The following HDAC11 variants were observed in gnomAD, a reference collection of about 807,000 sequenced individuals.
HDAC11 encodes histone deacetylase 11.
Under a neutral mutation model 41.1 loss-of-function variants are expected in HDAC11, and 23 were observed. The ratio of observed to expected loss-of-function variants is 0.56; its 90% confidence interval spans 0.40 to 0.79. The LOEUF (loss-of-function observed/expected upper bound fraction) is 0.79. HDAC11 is among the 30% of genes least tolerant of loss of function. HDAC11 has a pLI of 0.00. For synonymous variants in HDAC11, 187 were observed against 186.6 expected (o/e 1.00, Z -0.02); for missense variants, 402 against 477.3 (o/e 0.84, Z 1.47).
At chr3:13,488,050 A>G (rs1224777132) in intron 3 of HDAC11, among the ~76,000 whole-genome samples, 7 of 151,308 alleles carry the variant, frequency 4.6e-5, no homozygotes, top group Non-Finnish European at 1.0e-4. Context: ...CATTCCAAGC[A>G]GAAGAAACAG....
At chr3:13,488,206 C>T (rs554092823) in intron 3 of HDAC11, among the ~76,000 whole-genome samples, 1 of 152,034 alleles carries the variant, frequency 6.6e-6, no homozygotes, top group Admixed American at 6.5e-5. Context: ...GTCTCCAACT[C>T]TCTCTTCTCT....
At chr3:13,484,534 T>A (rs1273451326) in intron 3 of HDAC11, among the ~76,000 whole-genome samples, 1 of 123,972 alleles carries the variant, frequency 8.1e-6, no homozygotes, top group Non-Finnish European at 1.7e-5. Context: ...CATTTCCTGA[T>A]TTTTTTTTTG....
Position 13,502,822 on chromosome 3 carries a change from G to T in HDAC11, c.553-62G>T. ...GGAGTTTCCTGAGGGGTGGGTGGGT[G>T]GCAGAGCCCCAGCCTTGCCTAGGGC... On this transcript the variant is annotated intron_variant, in intron 7 of 9. Transcript: ENST00000295757. This position sits in a 1 kb window ranked among gnomAD's most constrained non-coding sequence, Gnocchi z 4.1. 7.5e-7 allele frequency: 1 copy of T among 1,337,248 alleles called. No individual in the cohort carries two copies. Among genetic ancestry groups the T allele is most frequent in the Non-Finnish European group, 1.1e-6 (1 of 935,976 alleles). 82.8% of individuals were successfully genotyped at this position (1,337,248 alleles called of 1,614,324 possible). A position where few individuals can be genotyped will look rare whatever the true frequency, so the allele number is the denominator to read the frequency against.
At position 13,502,756 on chromosome 3, in the gene HDAC11, C is replaced by T; in HGVS notation, c.553-128C>T. On this transcript the variant is annotated intron_variant, in intron 7 of 9. Transcript: ENST00000295757. The surrounding 1 kb of genome is among the most constrained non-coding windows in gnomAD (Gnocchi z 4.1). ...CTCTGCCCCTTAACAGTCATGAGACCTGCTGCCCCCGAGAGCAGGCCGTGC... is the reference window on the plus strand; with the variant it reads ...CTCTGCCCCTTAACAGTCATGAGACTTGCTGCCCCCGAGAGCAGGCCGTGC... 2 of 680,978 alleles carry T rather than the reference C, an allele frequency of 2.9e-6. No homozygotes were observed. Among genetic ancestry groups the T allele is most frequent in the Non-Finnish European group, 5.2e-6 (2 of 382,776 alleles). The allele number at this position is 680,978 out of a possible 1,614,324, so 42.2% of individuals were successfully genotyped here.
intron 4 of HDAC11, among the ~76,000 whole-genome samples, chr3:13,497,983 G>T (rs1005672232): frequency 6.7e-6 from 1 of 150,182 alleles, no homozygotes; most frequent in Non-Finnish European, 1.5e-5. Context: ...AGCCTCCCGA[G>T]TAGCTGGGAT....
chr3:13,483,446 C>T lies in HDAC11; in HGVS notation c.152-18C>T, dbSNP rs1177576728. The T allele has an allele frequency of 1.9e-6, 3 of 1,609,498 alleles. No individual in the cohort carries two copies. Among genetic ancestry groups the T allele is most frequent in the Non-Finnish European group, 2.6e-6 (3 of 1,175,920 alleles). On this transcript the variant is annotated intron_variant, in intron 2 of 9. Transcript: ENST00000295757. ...TTGAGGTCAGTGGGGAAGCAGGATG[C>T]TCCCTCTGTGGTTTCAGAAGAGAAG...
intron 3 of HDAC11, among the ~76,000 whole-genome samples, chr3:13,486,701 C>T (rs1214897810): frequency 6.6e-6 from 1 of 151,512 alleles, no homozygotes; most frequent in Non-Finnish European, 1.5e-5. Flanking sequence ...CCTCAGCCTC[C>T]CAAGTAGCTA....
At chr3:13,494,900 C>G (rs992440944) in intron 3 of HDAC11, among the ~76,000 whole-genome samples, 14 of 151,782 alleles carry the variant, frequency 9.2e-5, no homozygotes, top group African/African-American at 2.9e-4. Flanking sequence ...TTGTCCGGCC[C>G]TGAGTGGCCT....
intron 4 of HDAC11, 53 bp downstream of exon 4, chr3:13,496,905 C>A: frequency 1.1e-6 from 1 of 937,472 alleles, no homozygotes; most frequent in Non-Finnish European, 1.6e-6. Flanking sequence ...ACCCCAGGGT[C>A]CTTCTCACCT....
chr3:13,497,259 A>G (rs1032256397), intron 4 of HDAC11, among the ~76,000 whole-genome samples: 3 of 151,530 alleles, frequency 2.0e-5, no homozygotes, highest in Admixed American at 2.0e-4. Flanking sequence ...GCTCACTGCA[A>G]CCTCTGCCTC....
Position 13,496,795 on chromosome 3 carries a change from C to G in HDAC11, c.312C>G (p.Phe104Leu), listed in dbSNP as rs1702118007. Residue 104 changes from phenylalanine to leucine, a missense_variant, in exon 4 of 10, where the codon TTC becomes TTG. Transcript: ENST00000295757. The stretch of plus-strand genomic sequence containing the variant: ...CCCCCGTTATCTTCCTCCCCAACTT[C>G]CTTGTGCAGAGGAAGGTGCTGAGGC... Reference protein sequence around the residue: ...EIPPVIFLPNFLVQRKVLRPL... With the variant: ...EIPPVIFLPNLLVQRKVLRPL... 6.2e-7 allele frequency: 1 copy of G among 1,609,194 alleles called. No individual in the cohort carries two copies. The highest frequency in any genetic ancestry group is 1.3e-5 in the African/African-American group (1 of 74,712).
At chr3:13,484,798 G>A (rs1012161855) in intron 3 of HDAC11, among the ~76,000 whole-genome samples, 81 of 152,230 alleles carry the variant, frequency 5.3e-4, no homozygotes, top group Non-Finnish European at 2.9e-5. Flanking sequence ...GAAGGACACA[G>A]CTCCTATTAG....
intron 3 of HDAC11, among the ~76,000 whole-genome samples, chr3:13,487,488 G>A (rs1307221690): frequency 1.3e-5 from 2 of 152,248 alleles, no homozygotes; most frequent in Non-Finnish European, 2.9e-5. Context: ...ACGTTTGCAA[G>A]ATGTCAATTC....
At chr3:13,499,558 G>A (rs1167785036) in intron 5 of HDAC11, among the ~76,000 whole-genome samples, 2 of 152,214 alleles carry the variant, frequency 1.3e-5, no homozygotes, top group Non-Finnish European at 2.9e-5. Flanking sequence ...ATGCGTACTG[G>A]ATCGTGTAGA....
At position 13,502,700 on chromosome 3, in the gene HDAC11, G is replaced by A; in HGVS notation, c.553-184G>A. The stretch of plus-strand genomic sequence containing the variant: ...CTTGCTCAAGCCCATGCTAGAAGGT[G>A]TCGGGGCCTGGTTTTAAGGTTGAAT... On this transcript the variant is annotated intron_variant, in intron 7 of 9. Coordinates refer to ENST00000295757, the MANE Select transcript of HDAC11 (RefSeq NM_024827.4). This position sits in a 1 kb window ranked among gnomAD's most constrained non-coding sequence, Gnocchi z 4.1. 2 of 587,174 alleles carry A rather than the reference G, an allele frequency of 3.4e-6. No individual in the cohort carries two copies. The highest frequency in any genetic ancestry group is 6.1e-6 in the Non-Finnish European group (2 of 325,222). 36.4% of individuals were successfully genotyped at this position (587,174 alleles called of 1,614,324 possible).
chr3:13,503,201 G>A, intron 8 of HDAC11: 1 of 360,032 alleles, frequency 2.8e-6, no homozygotes, highest in Non-Finnish European at 5.0e-6. Context: ...GCATTTGTCT[G>A]GCAAAAAACA....
At position 13,504,670 on chromosome 3, in the gene HDAC11, C is replaced by T. The variant is rs374592246; in HGVS notation, c.1031C>T (p.Pro344Leu). Residue 344 changes from proline (P) to leucine (L), a missense_variant, in exon 10 of 10, where the codon CCT becomes CTT. By Grantham distance (98) the Pro-to-Leu change is moderately conservative (BLOSUM62 -3). Transcript: ENST00000295757. Reference protein sequence around the residue: ...AQNSDTPLLPPAVP With the variant: ...AQNSDTPLLPLAVP ...AACTCAGACACACCGCTGCTTCCCC[C>T]TGCAGTGCCCTGACCCTTGCTGCCC... is the stretch of plus-strand genomic sequence containing the variant. 94 of 1,613,540 alleles carry T rather than the reference C, an allele frequency of 5.8e-5. No homozygotes were observed. Among genetic ancestry groups the T allele is most frequent in the Non-Finnish European group, 7.5e-5 (88 of 1,179,900 alleles).
intron 3 of HDAC11, among the ~76,000 whole-genome samples, chr3:13,494,074 C>T (rs1301998772): frequency 6.6e-6 from 1 of 152,244 alleles, no homozygotes; most frequent in Non-Finnish European, 1.5e-5. Context: ...AGGCAGGCGG[C>T]ATAAGCCATG....
chr3:13,485,987 GC>G (rs1013157864), intron 3 of HDAC11, among the ~76,000 whole-genome samples: 48 of 136,116 alleles, frequency 3.5e-4, no homozygotes, highest in Admixed American at 6.1e-4. Flanking sequence ...GAAGAAGTAG[GC>G]CGGGTGCAGT....
Sources: allele counts gnomAD v4.1 joint callset (sites outside exome capture counted in the v4.1 genomes callset), GRCh38; gene constraint gnomAD v4.1.1; non-coding constraint Gnocchi (gnomAD v3.1); transcripts MANE v1.5; gene names NCBI Gene and HGNC (gene_info 2026-07-23, HGNC 2026-07-21).